Variants in PSMD14 observed in about 807,000 individuals in gnomAD.
PSMD14 encodes the protein proteasome 26S subunit, non-ATPase 14, also known as ubiquitin C-terminal hydrolase PSMD14.
PSMD14 carries 7 observed loss-of-function variants against 41.2 expected under a neutral mutation model. That is an observed-to-expected ratio of 0.17 (90% CI 0.10 to 0.32). The LOEUF (loss-of-function observed/expected upper bound fraction) is 0.32. PSMD14 is among the 10% of genes least tolerant of loss of function. PSMD14 has a pLI of 1.00. For missense variants in PSMD14, 139 were observed against 375.6 expected (o/e 0.37, Z 5.21); for synonymous variants, 114 against 122.3 (o/e 0.93, Z 0.45).
intron 3 of PSMD14, among the ~76,000 whole-genome samples, chr2:161,328,187 T>C (rs1409222165): frequency 4.6e-5 from 7 of 152,172 alleles, no homozygotes; most frequent in Non-Finnish European, 1.0e-4. Flanking sequence ...GGGAAACTTT[T>C]ATATGTCTAT....
At chr2:161,308,731 G>C (rs1049744968) in intron 1 of PSMD14, 127 bp downstream of exon 1, 1 of 152,380 alleles carries the variant, frequency 6.6e-6, no homozygotes, top group African/African-American at 2.4e-5. Flanking sequence ...CGCGAGGGAG[G>C]AGCCCGGCCT....
At chr2:161,330,334 C>T (rs541360401) in intron 3 of PSMD14, among the ~76,000 whole-genome samples, 6 of 152,138 alleles carry the variant, frequency 3.9e-5, no homozygotes, top group Non-Finnish European at 5.9e-5. Flanking sequence ...ATATCTCTGT[C>T]TAATATGGGA....
intron 1 of PSMD14, among the ~76,000 whole-genome samples, chr2:161,310,738 A>T (rs1051489187): frequency 2.0e-5 from 3 of 152,224 alleles, no homozygotes; most frequent in African/African-American, 7.2e-5. Flanking sequence ...TCTAGAGTCT[A>T]GAAGAGGGTA....
chr2:161,406,423 A>G (rs1683947949), intron 10 of PSMD14, among the ~76,000 whole-genome samples: 1 of 152,162 alleles, frequency 6.6e-6, no homozygotes, highest in Non-Finnish European at 1.5e-5. Flanking sequence ...TTTGACGCCA[A>G]ATCACAGAAG....
chr2:161,338,702 TTTG>T (rs1682904871), intron 3 of PSMD14, among the ~76,000 whole-genome samples: 1 of 152,192 alleles, frequency 6.6e-6, no homozygotes. Flanking sequence ...AAGTGTATAA[TTTG>T]TTAAGTTTTG....
chr2:161,385,385 G>T, intron 7 of PSMD14, 79 bp from the exon 8 acceptor site: 1 of 660,504 alleles, frequency 1.5e-6, no homozygotes, highest in South Asian at 2.3e-5. Flanking sequence ...GATGCACGTC[G>T]ATCATGCCTT....
chr2:161,384,221 T>G (rs1198722581), intron 7 of PSMD14: 5 of 151,634 alleles, frequency 3.3e-5, no homozygotes, highest in Admixed American at 6.6e-5. Flanking sequence ...GCCGAATGAG[T>G]AGACAGAAGC....
intron 7 of PSMD14, 35 bp from the exon 8 acceptor site, chr2:161,385,429 T>TAA: frequency 7.3e-7 from 1 of 1,371,258 alleles, no homozygotes; most frequent in South Asian, 1.3e-5. Flanking sequence ...ACTTGCTTTT[T>TAA]AAAAAAAAAT....
chr2:161,312,813 G>T (rs1235508295), intron 1 of PSMD14, among the ~76,000 whole-genome samples: 1 of 152,090 alleles, frequency 6.6e-6, no homozygotes, highest in Non-Finnish European at 1.5e-5. Flanking sequence ...CATTCACTTT[G>T]TGAGTCTTTC....
At chr2:161,389,706 C>A (rs1683680728) in intron 8 of PSMD14, among the ~76,000 whole-genome samples, 1 of 151,370 alleles carries the variant, frequency 6.6e-6, no homozygotes, top group Non-Finnish European at 1.5e-5. Context: ...TTTGTTTCAT[C>A]CTGATCCTTA....
chr2:161,376,821 C>T (rs550369729), intron 7 of PSMD14, among the ~76,000 whole-genome samples: 2 of 151,920 alleles, frequency 1.3e-5, no homozygotes, highest in South Asian at 2.1e-4. Context: ...GAATTCAGTG[C>T]GTTGCAATAG....
At chr2:161,310,631 T>C (rs1470848984) in intron 1 of PSMD14, among the ~76,000 whole-genome samples, 2 of 152,256 alleles carry the variant, frequency 1.3e-5, no homozygotes, top group East Asian at 3.8e-4. Flanking sequence ...ACAACATTTA[T>C]TGAGTACCTT....
intron 3 of PSMD14, among the ~76,000 whole-genome samples, chr2:161,336,852 G>A (rs1682879164): frequency 6.6e-6 from 1 of 152,174 alleles, no homozygotes; most frequent in South Asian, 2.1e-4. Context: ...TGGGATTATA[G>A]GCGTGAGCCA....
chr2:161,371,408 G>C lies in PSMD14; in HGVS notation c.462+86G>C. 2.2e-6 allele frequency: 3 copies of C among 1,368,436 alleles called. No homozygotes were observed. In the South Asian group the frequency reaches 4.7e-5, roughly 22 times the overall value. The allele number at this position is 1,368,436 out of a possible 1,614,324, so 84.8% of individuals were successfully genotyped here. ...ATAAAAATCAATTTTGTTCAAAGCA[G>C]GATTCTTAATTACACAGAAAGCTGC... On this transcript the variant is annotated intron_variant, in intron 7 of 11. Transcript: ENST00000409682.
At chr2:161,389,104 A>G (rs1407181465) in intron 8 of PSMD14, among the ~76,000 whole-genome samples, 1 of 152,194 alleles carries the variant, frequency 6.6e-6, no homozygotes, top group East Asian at 1.9e-4. Flanking sequence ...TTGAAAATCA[A>G]GTAGATTGTG....
Position 161,314,490 on chromosome 2 carries a change from A to G in PSMD14, c.-137-1947A>G, listed in dbSNP as rs1018589284. On this transcript the variant is annotated intron_variant, in intron 1 of 11. Transcript: ENST00000409682. ...ATTACCACCTCAGTTTAGTTCCAGAACATTTCTGTCATTCCAAGGTAAAAA... is the reference window on the plus strand; with the variant it reads ...ATTACCACCTCAGTTTAGTTCCAGAGCATTTCTGTCATTCCAAGGTAAAAA... Among the ~76,000 whole-genome samples the G allele has an allele frequency of 5.3e-5, 8 of 152,298 alleles. 1 individual carries two copies. The Middle Eastern group carries it at 0.024, about 453-fold the overall frequency.
chr2:161,348,547 A>G (rs1683076497), intron 3 of PSMD14, among the ~76,000 whole-genome samples: 1 of 152,222 alleles, frequency 6.6e-6, no homozygotes, highest in Admixed American at 6.5e-5. Context: ...TAAAGTATTG[A>G]AAAATGAATA....
chr2:161,347,019 C>T (rs2105245161), intron 3 of PSMD14, among the ~76,000 whole-genome samples: 1 of 152,212 alleles, frequency 6.6e-6, no homozygotes, highest in South Asian at 2.1e-4. Flanking sequence ...TTGTTTTGGT[C>T]TCAGTAATCT....
chr2:161,313,236 G>A (rs1395772783), intron 1 of PSMD14, among the ~76,000 whole-genome samples: 2 of 152,084 alleles, frequency 1.3e-5, no homozygotes, highest in South Asian at 2.1e-4. Context: ...ATTAGTCATC[G>A]CCATTTACCA....
Sources: allele counts gnomAD v4.1 joint callset (sites outside exome capture counted in the v4.1 genomes callset), GRCh38; gene constraint gnomAD v4.1.1; transcripts MANE v1.5; gene names NCBI Gene and HGNC (gene_info 2026-07-23, HGNC 2026-07-21).